The following SLC9A3 variants were observed in gnomAD, a reference collection of about 807,000 sequenced individuals.
SLC9A3 encodes the protein sodium/hydrogen exchanger 3.
SLC9A3 carries 37 observed loss-of-function variants against 86.8 expected under a neutral mutation model. That is an observed-to-expected ratio of 0.43 (90% CI 0.33 to 0.56). The LOEUF is 0.56. Among genes scored for constraint, SLC9A3 ranks in the 20% least tolerant of loss-of-function variants. SLC9A3 has a pLI of 0.06. For missense variants in SLC9A3, 1,011 were observed against 1,171.9 expected (o/e 0.86, Z 2.00); for synonymous variants, 581 against 528.3 (o/e 1.10, Z -1.37).
rs1025045024 is a variant in SLC9A3 at position 473,921 on chromosome 5, G to A, written c.2502-539C>T. 6.6e-5 allele frequency among the ~76,000 whole-genome samples: 10 copies of A among 152,352 alleles called. No homozygotes were observed. In the East Asian group the frequency reaches 1.7e-3, roughly 26 times the overall value. ...GCCCTGCTCTCAGCTCCCTGGGAGC[G>A]CAGGATTTGGACTCGCGGACTAGCT... is the stretch of plus-strand genomic sequence containing the variant. On this transcript the variant is annotated intron_variant, in intron 16 of 16. Transcript: ENST00000264938.
chr5:477,561 G>A, intron 10 of SLC9A3, 117 bp from the exon 11 acceptor site: 1 of 647,404 alleles, frequency 1.5e-6, no homozygotes, highest in Non-Finnish European at 2.6e-6. Context: ...CTTGAGACCT[G>A]AGCCCCGGGT....
chr5:516,859 G>C (rs1733745284), intron 1 of SLC9A3, among the ~76,000 whole-genome samples: 1 of 152,232 alleles, frequency 6.6e-6, no homozygotes, highest in Non-Finnish European at 1.5e-5. Flanking sequence ...AGAAGTAGGT[G>C]TGCTGCTCAC....
chr5:477,603 A>G (rs1738835327), intron 10 of SLC9A3, 159 bp from the exon 11 acceptor site: 7 of 557,726 alleles, frequency 1.3e-5, no homozygotes, highest in Non-Finnish European at 2.2e-5. Context: ...GGAGGGGTGG[A>G]AATGCCAAAA....
intron 1 of SLC9A3, among the ~76,000 whole-genome samples, chr5:517,143 C>T (rs912561899): frequency 1.3e-5 from 2 of 151,822 alleles, no homozygotes; most frequent in African/African-American, 4.8e-5. Context: ...TTCCGCCCAT[C>T]CCTCCATTTA....
At chr5:488,096 C>T (rs975098393) in intron 3 of SLC9A3, among the ~76,000 whole-genome samples, 3 of 152,210 alleles carry the variant, frequency 2.0e-5, no homozygotes, top group Non-Finnish European at 2.9e-5. Context: ...ATGGAGTGGG[C>T]GGGCAGGGCC....
chr5:500,541 A>AC (rs1740216853), intron 1 of SLC9A3, among the ~76,000 whole-genome samples: 1 of 116,240 alleles, frequency 8.6e-6, no homozygotes. Flanking sequence ...CTGGTGTGGG[A>AC]GGGGCTGGTG....
Position 499,802 on chromosome 5 carries a change from G to A in SLC9A3, c.212-7731C>T, listed in dbSNP as rs116025499. On this transcript the variant is annotated intron_variant, in intron 1 of 16. Coordinates refer to ENST00000264938, the MANE Select transcript of SLC9A3 (RefSeq NM_004174.4). ...TAGAGACCTTGCATCTGCGCATAAC[G>A]TCTCCGTAGATCAGCAGAAGGCCCA... Among the ~76,000 whole-genome samples the A allele has an allele frequency of 9.6e-3, 1,467 of 152,314 alleles. 21 individuals carry two copies. Among genetic ancestry groups the A allele is most frequent in the African/African-American group, 0.034 (1,400 of 41,564 alleles).
In SLC9A3 at chr5:491,829, C is replaced by G; in HGVS notation, c.454G>C (p.Val152Leu). Residue 152 changes from valine (V) to leucine (L), a missense_variant, in exon 2 of 17, where the codon GTG becomes CTG. By Grantham distance (32) the Val-to-Leu change is conservative. Coordinates refer to ENST00000264938, the MANE Select transcript of SLC9A3 (RefSeq NM_004174.4). The surrounding 1 kb of genome is among the most constrained non-coding windows in gnomAD (Gnocchi z 9.2). ...TILLYAVVGT[V>L]WNAATTGLSL... ...AGCCCGGTGGTGGCCGCGTTCCACA[C>G]GGTACCCACGACGGCGTACAACAGG... 6.3e-7 allele frequency: 1 copy of G among 1,596,932 alleles called. No individual in the cohort carries two copies. Among genetic ancestry groups the G allele is most frequent in the Non-Finnish European group, 8.5e-7 (1 of 1,172,438 alleles).
At chr5:476,726 G>A in intron 11 of SLC9A3, 54 bp from the exon 12 acceptor site, 3 of 1,586,366 alleles carry the variant, frequency 1.9e-6, no homozygotes, top group Non-Finnish European at 2.6e-6. Context: ...GGGGTCTCTT[G>A]CGCGCCCCTC....
At chr5:518,096 C>T (rs372968475) in intron 1 of SLC9A3, among the ~76,000 whole-genome samples, 4 of 152,336 alleles carry the variant, frequency 2.6e-5, no homozygotes, top group East Asian at 3.9e-4. Context: ...GCACTGGGGA[C>T]ACAGGAGGAA....
rs72702722 is a variant in SLC9A3, at chr5:499,047, G to T, written c.212-6976C>A. Among the ~76,000 whole-genome samples, 1,118 of 152,306 alleles carry T rather than the reference G, an allele frequency of 7.3e-3. 4 individuals carry two copies. Among genetic ancestry groups the T allele is most frequent in the Non-Finnish European group, 0.012 (795 of 68,024 alleles). ...GACACTGGACTGGGGACCAAGAGAG[G>T]GGAAGGGTCTCGTTCTCATCTTCTC... On this transcript the variant is annotated intron_variant, in intron 1 of 16. Coordinates refer to ENST00000264938, the MANE Select transcript of SLC9A3 (RefSeq NM_004174.4).
At position 491,646 on chromosome 5, in the gene SLC9A3, C is replaced by T. The variant is rs1331844912; in HGVS notation, c.514+123G>A. ...GCCTACGGGGCTGCCAGCCACGTTTCTCACCTGACACTTACCGCCTGGAGG... is the reference window on the plus strand; with the variant it reads ...GCCTACGGGGCTGCCAGCCACGTTTTTCACCTGACACTTACCGCCTGGAGG... On this transcript the variant is annotated intron_variant, in intron 2 of 16. Transcript: ENST00000264938. This position sits in a 1 kb window ranked among gnomAD's most constrained non-coding sequence, Gnocchi z 9.2. The T allele has an allele frequency of 1.1e-6, 1 of 899,352 alleles. No individual in the cohort carries two copies. The highest frequency in any genetic ancestry group is 1.6e-6 in the Non-Finnish European group (1 of 615,740). 55.7% of individuals were successfully genotyped at this position (899,352 alleles called of 1,614,324 possible). A position where few individuals can be genotyped will look rare whatever the true frequency, so the allele number is the denominator to read the frequency against.
intron 1 of SLC9A3, among the ~76,000 whole-genome samples, chr5:516,054 T>TCA (rs1288716778): frequency 1.8e-4 from 9 of 50,806 alleles, no homozygotes; most frequent in African/African-American, 6.4e-4. Flanking sequence ...CCCCTGCCCC[T>TCA]CACACACACA....
chr5:487,814 CGT>C (rs1739540722), intron 3 of SLC9A3, among the ~76,000 whole-genome samples: 2 of 152,018 alleles, frequency 1.3e-5, no homozygotes, highest in Non-Finnish European at 2.9e-5. Context: ...ATTACAGGCG[CGT>C]GCCACCACCC....
intron 3 of SLC9A3, among the ~76,000 whole-genome samples, chr5:485,989 C>T (rs887508624): frequency 1.3e-5 from 2 of 152,176 alleles, no homozygotes; most frequent in Non-Finnish European, 2.9e-5. Context: ...CGCAGGGCTG[C>T]GGGGCACACG....
intron 1 of SLC9A3, among the ~76,000 whole-genome samples, chr5:514,471 G>C (rs751045751): frequency 6.6e-6 from 1 of 152,236 alleles, no homozygotes; most frequent in Non-Finnish European, 1.5e-5. Context: ...AGGCCCATCG[G>C]GTCTTGCCTG....
intron 7 of SLC9A3, 43 bp from the exon 8 acceptor site, chr5:482,200 C>G (rs1041785090): frequency 6.8e-7 from 1 of 1,476,172 alleles, no homozygotes; most frequent in Non-Finnish European, 9.4e-7. Flanking sequence ...GGCAGCCCCC[C>G]ACATCCCGCT....
intron 14 of SLC9A3, 39 bp from the exon 15 acceptor site, chr5:475,710 G>C: frequency 8.6e-7 from 1 of 1,167,734 alleles, no homozygotes; most frequent in Non-Finnish European, 1.3e-6. Context: ...GGGGTCACTG[G>C]GGGGCTGTCC....
Position 476,563 on chromosome 5 carries a change from G to A in SLC9A3, c.1870C>T (p.Leu624=). ...CCCACCTCCTGCCGCGGCTTGTACA[G>A]GTACTGCTGTAGCGTGTGGTGCGTG... ...MVTHHTLQQY[L]YKPRQEYKHL... is the part of the protein sequence containing the mutation. Residue 624 remains leucine (L), a synonymous_variant, in exon 12 of 17, where the codon CTG becomes TTG. Coordinates refer to ENST00000264938, the MANE Select transcript of SLC9A3 (RefSeq NM_004174.4). 6.2e-7 allele frequency: 1 copy of A among 1,611,492 alleles called. No homozygotes were observed. The highest frequency in any genetic ancestry group is 8.5e-7 in the Non-Finnish European group (1 of 1,179,868).
Sources: allele counts gnomAD v4.1 joint callset (sites outside exome capture counted in the v4.1 genomes callset), GRCh38; gene constraint gnomAD v4.1.1; non-coding constraint Gnocchi (gnomAD v3.1); transcripts MANE v1.5; gene names NCBI Gene and HGNC (gene_info 2026-07-23, HGNC 2026-07-21).